ZNF585B: variants seen among roughly 807,000 people sequenced by gnomAD.
The protein encoded by ZNF585B is zinc finger protein 585B.
Under a neutral mutation model 14.0 loss-of-function variants are expected in ZNF585B, and 7 were observed. The ratio of observed to expected loss-of-function variants is 0.50; its 90% CI spans 0.28 to 0.94. The LOEUF is 0.94. ZNF585B is among the 40% of genes least tolerant of loss of function. ZNF585B has a pLI of 0.09. For missense variants in ZNF585B, 750 were observed against 924.4 expected, an observed-to-expected ratio of 0.81 and a Z score of 2.45; for synonymous variants, 290 against 317.3, an observed-to-expected ratio of 0.91 and a Z score of 0.91.
In ZNF585B at chr19:37,190,127, C is replaced by T; in HGVS notation, c.96G>A (p.Val32=). Residue 32 remains valine (V), a synonymous_variant, in exon 3 of 5, where the codon GTG becomes GTA. Coordinates refer to ENST00000532828, the MANE Select transcript of ZNF585B (RefSeq NM_152279.4). The part of the protein sequence containing the change: ...SYEGSVSFRD[V]AIDFSREEWR... ...ATTCCTCTCTGCTGAAATCGATAGC[C>T]ACATCCCTGAAGGACACTGATCCCT... 3 of 1,614,190 alleles carry T rather than the reference C, an allele frequency of 1.9e-6. No individual in the cohort carries two copies. The highest frequency in any genetic ancestry group is 2.5e-6 in the Non-Finnish European group (3 of 1,180,038).
At chr19:37,199,113 C>G (rs1004544686) in intron 2 of ZNF585B, 33 of 869,002 alleles carry the variant, frequency 3.8e-5, no homozygotes, top group Non-Finnish European at 5.6e-5. Flanking sequence ...ATAGTCACAC[C>G]CTACACACAC....
At chr19:37,203,785 C>T (rs1337629637) in intron 2 of ZNF585B, among the ~76,000 whole-genome samples, 1 of 152,118 alleles carries the variant, frequency 6.6e-6, no homozygotes, top group East Asian at 1.9e-4. Context: ...TGGGCCACCA[C>T]GCCCAGCTAA....
Position 37,183,345 on chromosome 19 carries a change from G to C in ZNF585B, c.*1882C>G, listed in dbSNP as rs1310033078. 1.3e-5 allele frequency: 2 copies of C among 152,252 alleles called. No individual in the cohort carries two copies. The highest frequency in any genetic ancestry group is 2.9e-5 in the Non-Finnish European group (2 of 68,112). The allele number at this position is 152,252 out of a possible 1,614,324, so 9.4% of individuals were successfully genotyped here. On this transcript the variant is annotated 3_prime_UTR_variant, in exon 5 of 5. Coordinates refer to ENST00000532828, the MANE Select transcript of ZNF585B (RefSeq NM_152279.4). ...TATGCTGCAACACAGAAAAAAATCA[G>C]ACAGAAGTCACGCAACAAGCATGGG... is the stretch of plus-strand genomic sequence containing the variant.
rs1972313216 is a variant in ZNF585B, at chr19:37,184,768, AC to A, written c.*458del. 2.6e-6 allele frequency: 1 copy of A among 387,804 alleles called. No homozygotes were observed. The highest frequency in any genetic ancestry group is 3.8e-5 in the East Asian group (1 of 26,610). The allele number at this position is 387,804 out of a possible 1,614,324, so 24.0% of individuals were successfully genotyped here. A position where few individuals can be genotyped will look rare whatever the true frequency, so the allele number is the denominator to read the frequency against. The stretch of plus-strand genomic sequence containing the variant: ...TGTGTTCGATTCAAAAGAAGAAAAT[AC>A]CCACAATTCTACTAGACAGTGTGTT... On this transcript the variant is annotated 3_prime_UTR_variant, in exon 5 of 5. Coordinates refer to ENST00000532828, the MANE Select transcript of ZNF585B (RefSeq NM_152279.4).
intron 2 of ZNF585B, among the ~76,000 whole-genome samples, chr19:37,201,761 C>A (rs992579070): frequency 6.6e-6 from 1 of 152,078 alleles, no homozygotes; most frequent in African/African-American, 2.4e-5. Context: ...TGGTGGGAAA[C>A]AATATGTTAC....
chr19:37,188,695 A>C (rs1358722997), intron 4 of ZNF585B, among the ~76,000 whole-genome samples: 2 of 152,078 alleles, frequency 1.3e-5, no homozygotes, highest in Non-Finnish European at 2.9e-5. Flanking sequence ...AAACAAAGCC[A>C]ACCAGGAAGA....
chr19:37,194,909 CAGAA>C lies in ZNF585B; in HGVS notation c.73-4763_73-4760del, dbSNP rs147283647. 8.9e-3 allele frequency among the ~76,000 whole-genome samples: 1,358 copies of C among 151,956 alleles called. 20 individuals carry two copies. The highest frequency in any genetic ancestry group is 0.031 in the African/African-American group (1,282 of 41,486). ...AGGAAATCAAACAAAAAATCAATAACAGAAAGACCACAGAAAAGTCTCCAAAGGA... is the reference window on the plus strand; with the variant it reads ...AGGAAATCAAACAAAAAATCAATAACAGACCACAGAAAAGTCTCCAAAGGA... On this transcript the variant is annotated intron_variant, in intron 2 of 4. Transcript: ENST00000532828.
intron 2 of ZNF585B, among the ~76,000 whole-genome samples, chr19:37,204,046 T>C (rs185426903): frequency 6.6e-6 from 1 of 152,350 alleles, no homozygotes; most frequent in Admixed American, 6.5e-5. Context: ...AGTAGTGTGA[T>C]AAAATGGCCA....
chr19:37,204,681 C>T (rs1972566761), intron 2 of ZNF585B, among the ~76,000 whole-genome samples: 2 of 152,002 alleles, frequency 1.3e-5, no homozygotes, highest in Non-Finnish European at 2.9e-5. Flanking sequence ...CTCAAGTGAT[C>T]CTCCTGCCTC....
intron 2 of ZNF585B, among the ~76,000 whole-genome samples, chr19:37,204,318 C>T (rs1304676803): frequency 6.6e-6 from 1 of 152,160 alleles, no homozygotes; most frequent in Admixed American, 6.6e-5. Context: ...GAGAGTTAGC[C>T]TCGTACTATC....
chr19:37,207,605 C>T (rs1264803953), intron 1 of ZNF585B, among the ~76,000 whole-genome samples: 4 of 152,098 alleles, frequency 2.6e-5, no homozygotes, highest in Non-Finnish European at 4.4e-5. Flanking sequence ...GCAGCTGTAC[C>T]ACTTTTCAAC....
chr19:37,187,188 A>C lies in ZNF585B; in HGVS notation c.349T>G (p.Ser117Ala). 1 of 1,613,218 alleles carries C rather than the reference A, an allele frequency of 6.2e-7. No homozygotes were observed. The highest frequency in any genetic ancestry group is 1.3e-5 in the African/African-American group (1 of 74,992). The change falls in exon 5 of 5, where the codon TCC becomes GCC. Residue 117 changes from serine (S) to alanine (A), a missense_variant. Ser to Ala is a moderately conservative substitution (Grantham distance 99). Coordinates refer to ENST00000532828, the MANE Select transcript of ZNF585B (RefSeq NM_152279.4). ...HRKIIGYKPA[S>A]SQDQKIYSGE... ...GAATAAATTTTTTGATCTTGAGAGG[A>C]AGCTGGTTTATAACCGATGATTTTT...
intron 2 of ZNF585B, among the ~76,000 whole-genome samples, chr19:37,206,000 A>C (rs1008264932): frequency 2.0e-5 from 3 of 152,124 alleles, no homozygotes; most frequent in African/African-American, 7.2e-5. Flanking sequence ...GAATTGCTTG[A>C]ACCTGGATGG....
chr19:37,207,722 A>T (rs1402813057), intron 1 of ZNF585B, among the ~76,000 whole-genome samples: 2 of 152,204 alleles, frequency 1.3e-5, no homozygotes, highest in Non-Finnish European at 2.9e-5. Context: ...AAAGTACTCA[A>T]TGCCTCCCTG....
At chr19:37,198,976 C>T (rs1215023908) in intron 2 of ZNF585B, 2 of 1,526,420 alleles carry the variant, frequency 1.3e-6, no homozygotes, top group Admixed American at 2.0e-5. Flanking sequence ...TCAGAGATTA[C>T]AGTTTGTCTC....
chr19:37,190,478 T>A, intron 2 of ZNF585B: 1 of 186,260 alleles, frequency 5.4e-6, no homozygotes, highest in Admixed American at 5.5e-5. Flanking sequence ...TCTCCTGACC[T>A]TGTGACCTTG....
chr19:37,188,647 C>T (rs1291929951), intron 4 of ZNF585B, among the ~76,000 whole-genome samples: 4 of 149,874 alleles, frequency 2.7e-5, no homozygotes, highest in East Asian at 1.9e-4. Flanking sequence ...CCAGCCTGGG[C>T]GACAGAGTGA....
At chr19:37,192,003 C>A (rs764972725) in intron 2 of ZNF585B, among the ~76,000 whole-genome samples, 2 of 152,146 alleles carry the variant, frequency 1.3e-5, no homozygotes, top group Non-Finnish European at 2.9e-5. Context: ...GCATTCCAGC[C>A]CGGGATACAG....
In ZNF585B at chr19:37,184,416, GAGAAA is replaced by G. The variant is rs1972299054; in HGVS notation, c.*806_*810del. On this transcript the variant is annotated 3_prime_UTR_variant, in exon 5 of 5. Coordinates refer to ENST00000532828, the MANE Select transcript of ZNF585B (RefSeq NM_152279.4). The stretch of plus-strand genomic sequence containing the variant: ...AGAAAGAAAGAAAGAAAGAAAGAAA[GAGAAA>G]GAAAGAAAAAGAAAGAAAGAAGGAA... 1.5e-5 allele frequency: 1 copy of G among 67,942 alleles called. No homozygotes were observed. 4.2% of individuals were successfully genotyped at this position (67,942 alleles called of 1,614,324 possible). A position where few individuals can be genotyped will look rare whatever the true frequency, so the allele number is the denominator to read the frequency against.
Sources: allele counts gnomAD v4.1 joint callset (sites outside exome capture counted in the v4.1 genomes callset), GRCh38; gene constraint gnomAD v4.1.1; transcripts MANE v1.5; gene names NCBI Gene and HGNC (gene_info 2026-07-23, HGNC 2026-07-21).